The following FRMD4A variants were observed in gnomAD, a reference collection of about 807,000 sequenced individuals.
FRMD4A encodes the protein FERM domain-containing protein 4A.
A neutral mutation model predicts 129.1 loss-of-function variants in FRMD4A; 29 were observed. The ratio of observed to expected loss-of-function variants is 0.22; its 90% CI spans 0.17 to 0.31. FRMD4A has a LOEUF of 0.31. Among genes scored for constraint, FRMD4A ranks in the 10% least tolerant of loss-of-function variants. The pLI, the probability that FRMD4A is intolerant of heterozygous loss-of-function variation, is 1.00. For synonymous variants in FRMD4A, 634 were observed against 571.6 expected (o/e 1.11, Z -1.56); for missense variants, 1,272 against 1,375.8 (o/e 0.92, Z 1.19).
chr10:14,287,064 CAA>C (rs1337905209), intron 2 of FRMD4A, among the ~76,000 whole-genome samples: 1 of 152,120 alleles, frequency 6.6e-6, no homozygotes, highest in Admixed American at 6.5e-5. Flanking sequence ...GCAAAGCAGG[CAA>C]AGTCTATCTT....
At chr10:13,662,905 G>T (rs2134679014) in intron 19 of FRMD4A, among the ~76,000 whole-genome samples, 1 of 147,070 alleles carries the variant, frequency 6.8e-6, no homozygotes, top group African/African-American at 2.5e-5. Flanking sequence ...TAGATTCTCT[G>T]TCTAGCTAAA....
At chr10:14,015,516 A>G (rs532981318) in intron 2 of FRMD4A, among the ~76,000 whole-genome samples, 2 of 151,964 alleles carry the variant, frequency 1.3e-5, no homozygotes, top group African/African-American at 4.8e-5. Context: ...AATGAGATAA[A>G]GGATGTTTAG....
At chr10:14,012,590 C>T (rs995711863) in intron 2 of FRMD4A, among the ~76,000 whole-genome samples, 4 of 152,108 alleles carry the variant, frequency 2.6e-5, no homozygotes, top group African/African-American at 7.2e-5. Flanking sequence ...AAGAGTCTGC[C>T]GAGCCAACGT....
At chr10:14,227,223 C>T (rs1843470296) in intron 2 of FRMD4A, among the ~76,000 whole-genome samples, 1 of 148,590 alleles carries the variant, frequency 6.7e-6, no homozygotes, top group African/African-American at 2.5e-5. Context: ...CCCCTTCCTC[C>T]TCCTCCTTCT....
chr10:13,932,188 T>C (rs1717792915), intron 2 of FRMD4A, among the ~76,000 whole-genome samples: 1 of 152,242 alleles, frequency 6.6e-6, no homozygotes, highest in Admixed American at 6.5e-5. Flanking sequence ...GGTCCTCTGC[T>C]TTGTCCTTGG....
chr10:13,666,676 A>G (rs925173653), intron 17 of FRMD4A, among the ~76,000 whole-genome samples: 2 of 152,028 alleles, frequency 1.3e-5, no homozygotes, highest in Non-Finnish European at 2.9e-5. Context: ...AGTGACTGTC[A>G]CTTCCTTTCC....
chr10:13,732,306 C>CT (rs897666167), intron 12 of FRMD4A, among the ~76,000 whole-genome samples: 3 of 123,784 alleles, frequency 2.4e-5, no homozygotes, highest in African/African-American at 9.3e-5. Flanking sequence ...TTCTTGGTGC[C>CT]TTTTTTGTTT....
chr10:13,987,037 G>C (rs2095584252), intron 2 of FRMD4A, among the ~76,000 whole-genome samples: 1 of 152,144 alleles, frequency 6.6e-6, no homozygotes, highest in South Asian at 2.1e-4. Flanking sequence ...ACTACACTTT[G>C]AGAGCCATAG....
rs1051086492 is a variant in FRMD4A, at chr10:13,685,103, G to C, written c.1117+8795C>G. On this transcript the variant is annotated intron_variant, in intron 15 of 24. Coordinates refer to ENST00000357447, the MANE Select transcript of FRMD4A (RefSeq NM_018027.5). Reference sequence around the variant, plus strand: ...CCACATTGCAGACTGCAGGATAAACGTGTCATCTCTGGGGACTGTTATAGA... The same window carrying C: ...CCACATTGCAGACTGCAGGATAAACCTGTCATCTCTGGGGACTGTTATAGA... 24 of 984,280 alleles carry C rather than the reference G, an allele frequency of 2.4e-5. No individual in the cohort carries two copies. The African/African-American group carries it at 4.0e-4, about 16-fold the overall frequency. The allele number at this position is 984,280 out of a possible 1,614,324, so 61.0% of individuals were successfully genotyped here.
Position 13,644,266 on chromosome 10 carries a change from C to T in FRMD4A, c.*2772G>A, listed in dbSNP as rs1353956017. 4.6e-5 allele frequency: 7 copies of T among 152,186 alleles called. No homozygotes were observed. Among genetic ancestry groups the T allele is most frequent in the African/African-American group, 1.7e-4 (7 of 41,450 alleles). 9.4% of individuals were successfully genotyped at this position (152,186 alleles called of 1,614,324 possible). On this transcript the variant is annotated 3_prime_UTR_variant, in exon 25 of 25. Transcript: ENST00000357447. ...AATCCAATAGGGGCTTTATATCAGA[C>T]CAAGGACTTCGTATTTCACCTTATT... is the stretch of plus-strand genomic sequence containing the variant.
At chr10:13,660,877 A>G (rs556214928) in intron 19 of FRMD4A, among the ~76,000 whole-genome samples, 5 of 152,174 alleles carry the variant, frequency 3.3e-5, no homozygotes, top group Non-Finnish European at 7.4e-5. Context: ...AAACAGCAAA[A>G]TGTAGTTACT....
chr10:13,937,448 C>A (rs1446636640), intron 2 of FRMD4A, among the ~76,000 whole-genome samples: 8 of 152,180 alleles, frequency 5.3e-5, no homozygotes, highest in Admixed American at 5.2e-4. Context: ...CAACGCCCAG[C>A]CTTTAAATGT....
chr10:13,793,612 A>G (rs2093050802), intron 5 of FRMD4A, among the ~76,000 whole-genome samples: 3 of 152,088 alleles, frequency 2.0e-5, no homozygotes, highest in Non-Finnish European at 4.4e-5. Flanking sequence ...CAAGATATGC[A>G]GGTGCCATGG....
intron 2 of FRMD4A, among the ~76,000 whole-genome samples, chr10:13,878,447 C>T (rs1459163995): frequency 1.3e-5 from 2 of 152,148 alleles, no homozygotes; most frequent in Admixed American, 1.3e-4. Context: ...TTTAGCAAAA[C>T]CTTCAGAAAA....
chr10:13,795,900 T>C (rs1022656605), intron 5 of FRMD4A, among the ~76,000 whole-genome samples: 1 of 152,218 alleles, frequency 6.6e-6, no homozygotes, highest in Non-Finnish European at 1.5e-5. Flanking sequence ...TTTAAATCAC[T>C]ATAGCCCACA....
At chr10:13,850,769 A>G (rs1396665593) in intron 3 of FRMD4A, among the ~76,000 whole-genome samples, 1 of 152,238 alleles carries the variant, frequency 6.6e-6, no homozygotes, top group Non-Finnish European at 1.5e-5. Flanking sequence ...AATGGGCTAT[A>G]CTATCAGAGG....
chr10:13,705,052 C>T (rs375065000), intron 13 of FRMD4A, among the ~76,000 whole-genome samples: 4 of 152,126 alleles, frequency 2.6e-5, no homozygotes, highest in African/African-American at 7.2e-5. Context: ...CCAGCATGGG[C>T]GACAGAATGA....
intron 2 of FRMD4A, among the ~76,000 whole-genome samples, chr10:14,016,515 G>A (rs543385734): frequency 2.2e-4 from 34 of 152,152 alleles, no homozygotes; most frequent in African/African-American, 7.7e-4. Context: ...TAAGGTCCAC[G>A]TTTCATCTGC....
intron 2 of FRMD4A, among the ~76,000 whole-genome samples, chr10:13,898,695 A>G (rs2094786083): frequency 1.3e-5 from 2 of 152,176 alleles, no homozygotes; most frequent in Non-Finnish European, 1.5e-5. Flanking sequence ...GGGTCTCACT[A>G]TTGGTGGAGA....
Sources: allele counts gnomAD v4.1 joint callset (sites outside exome capture counted in the v4.1 genomes callset), GRCh38; gene constraint gnomAD v4.1.1; transcripts MANE v1.5; gene names NCBI Gene and HGNC (gene_info 2026-07-23, HGNC 2026-07-21).